The following ERBB4 variants were observed in gnomAD, a reference collection of about 807,000 sequenced individuals.
The protein encoded by ERBB4 is erb-b2 receptor tyrosine kinase 4.
In ERBB4, 42 loss-of-function variants were observed where a neutral mutation model predicts 158.0. The ratio of observed to expected loss-of-function variants is 0.27; its 90% confidence interval spans 0.21 to 0.34. The LOEUF is 0.34. ERBB4 is among the 10% of genes least tolerant of loss of function. The probability of loss-of-function intolerance (pLI) is 1.00; values close to 1 mark genes in which losing one functional copy is unlikely to be tolerated. For missense variants in ERBB4, 1,333 were observed against 1,624.1 expected (o/e 0.82, Z 3.08); for synonymous variants, 583 against 558.7 (o/e 1.04, Z -0.61).
At chr2:211,788,286 A>T in intron 3 of ERBB4, 127 bp from the exon 4 acceptor site, 2 of 685,694 alleles carry the variant, frequency 2.9e-6, no homozygotes. Context: ...AATAGCCAAG[A>T]TATCTTTTAA....
At chr2:211,636,874 C>T in intron 16 of ERBB4, among the ~76,000 whole-genome samples, 1 of 151,860 alleles carries the variant, frequency 6.6e-6, no homozygotes. Context: ...GCTAATGACA[C>T]TCTGTTGTGC....
intron 2 of ERBB4, among the ~76,000 whole-genome samples, chr2:212,042,886 T>G (rs1343746728): frequency 1.3e-5 from 2 of 152,178 alleles, no homozygotes; most frequent in African/African-American, 4.8e-5. Context: ...TCTTAGATAA[T>G]TACTTTGGAG....
intron 1 of ERBB4, among the ~76,000 whole-genome samples, chr2:212,329,115 T>C (rs932356222): frequency 2.1e-4 from 32 of 152,064 alleles, no homozygotes; most frequent in Non-Finnish European, 5.9e-5. Context: ...GAGCTTGTTA[T>C]TTCATTTTTT....
intron 20 of ERBB4, among the ~76,000 whole-genome samples, chr2:211,518,584 G>A (rs6736404): frequency 0.069 from 10,492 of 151,966 alleles, 861 homozygotes; most frequent in African/African-American, 0.2. Context: ...AACCTGGGAG[G>A]CGGAGGTTGC....
chr2:211,487,204 T>C (rs1183790151), intron 20 of ERBB4, among the ~76,000 whole-genome samples: 1 of 139,026 alleles, frequency 7.2e-6, no homozygotes, highest in Admixed American at 8.0e-5. Flanking sequence ...TGTCCAAGAA[T>C]TCTCATTATT....
At chr2:212,511,971 T>A (rs1691546730) in intron 1 of ERBB4, among the ~76,000 whole-genome samples, 1 of 152,182 alleles carries the variant, frequency 6.6e-6, no homozygotes, top group Admixed American at 6.5e-5. Context: ...GTGCTTCCCC[T>A]GTGTTTCTCT....
chr2:211,914,049 C>CAAA (rs74891191), intron 3 of ERBB4, among the ~76,000 whole-genome samples: 4 of 93,270 alleles, frequency 4.3e-5, no homozygotes, highest in South Asian at 3.4e-4. Flanking sequence ...CTTGGAATGA[C>CAAA]AAAAAAAAAA....
chr2:212,387,680 A>T (rs957052088), intron 1 of ERBB4, among the ~76,000 whole-genome samples: 4 of 152,128 alleles, frequency 2.6e-5, no homozygotes, highest in African/African-American at 7.2e-5. Context: ...GGCCTCCCAA[A>T]GTGCTGGGAT....
At chr2:212,112,692 T>C (rs1247116698) in intron 2 of ERBB4, among the ~76,000 whole-genome samples, 1 of 152,156 alleles carries the variant, frequency 6.6e-6, no homozygotes, top group Non-Finnish European at 1.5e-5. Flanking sequence ...ACAACACTTA[T>C]TCATAGGGTT....
intron 25 of ERBB4, among the ~76,000 whole-genome samples, chr2:211,403,419 A>T (rs1187372948): frequency 6.6e-6 from 1 of 152,116 alleles, no homozygotes; most frequent in East Asian, 1.9e-4. Flanking sequence ...TATCTTTGTG[A>T]CTATAATCTA....
chr2:212,033,216 C>G (rs983934347), intron 2 of ERBB4, among the ~76,000 whole-genome samples: 1 of 151,894 alleles, frequency 6.6e-6, no homozygotes, highest in Non-Finnish European at 1.5e-5. Context: ...ATTCTTTGTA[C>G]ACTTTTAGAT....
intron 25 of ERBB4, among the ~76,000 whole-genome samples, chr2:211,417,392 T>C (rs992919585): frequency 2.0e-5 from 3 of 152,180 alleles, no homozygotes; most frequent in African/African-American, 7.2e-5. Context: ...GAGGATCTCC[T>C]GAGCTTGGCA....
chr2:211,756,566 A>G (rs765719131), intron 4 of ERBB4, among the ~76,000 whole-genome samples: 1 of 152,202 alleles, frequency 6.6e-6, no homozygotes, highest in Admixed American at 6.5e-5. Flanking sequence ...GTCCTTGAAC[A>G]TTAAAATGAT....
rs1012564061 is a variant in ERBB4 at position 211,532,808 on chromosome 2, C to T, written c.2487+29095G>A. On this transcript the variant is annotated intron_variant, in intron 20 of 27. Coordinates refer to ENST00000342788, the MANE Select transcript of ERBB4 (RefSeq NM_005235.3). ...GCATTTTAAAATAAGAAACCACCCA[C>T]GTAAAACAGCACATAGCAAAAAAGT... 5.3e-5 allele frequency among the ~76,000 whole-genome samples: 8 copies of T among 151,986 alleles called. No homozygotes were observed. In the East Asian group the frequency reaches 1.5e-3, roughly 29 times the overall value.
At chr2:211,407,513 G>A (rs1354948341) in intron 25 of ERBB4, among the ~76,000 whole-genome samples, 1 of 152,096 alleles carries the variant, frequency 6.6e-6, no homozygotes, top group Non-Finnish European at 1.5e-5. Flanking sequence ...AACTAAATTG[G>A]TTGTAGATTA....
chr2:211,555,988 A>G (rs2067226683), intron 20 of ERBB4, among the ~76,000 whole-genome samples: 1 of 152,236 alleles, frequency 6.6e-6, no homozygotes. Context: ...TCTTGAACGT[A>G]AATGGGCTAA....
chr2:211,918,325 CT>C (rs1222358751), intron 3 of ERBB4, among the ~76,000 whole-genome samples: 2 of 151,956 alleles, frequency 1.3e-5, no homozygotes, highest in South Asian at 2.1e-4. Context: ...ATATTTAAAA[CT>C]TTTTTTTATG....
At chr2:212,425,655 A>C (rs2091897353) in intron 1 of ERBB4, among the ~76,000 whole-genome samples, 1 of 151,890 alleles carries the variant, frequency 6.6e-6, no homozygotes, top group South Asian at 2.1e-4. Flanking sequence ...ATTACAGGTA[A>C]CAAATTCATC....
chr2:212,013,214 G>A (rs1003066707), intron 2 of ERBB4, among the ~76,000 whole-genome samples: 6 of 151,932 alleles, frequency 3.9e-5, no homozygotes, highest in East Asian at 1.9e-4. Flanking sequence ...TCACCCCAAC[G>A]CCCAACTAAT....
Sources: allele counts gnomAD v4.1 joint callset (sites outside exome capture counted in the v4.1 genomes callset), GRCh38; gene constraint gnomAD v4.1.1; transcripts MANE v1.5; gene names NCBI Gene and HGNC (gene_info 2026-07-23, HGNC 2026-07-21).